Variants in RARB observed in about 807,000 individuals in gnomAD.
The protein encoded by RARB is HBV-activated protein.
RARB carries 17 observed loss-of-function variants against 51.9 expected under a neutral mutation model. The observed-to-expected ratio is 0.33, with a 90% CI of 0.22 to 0.49. RARB has a LOEUF of 0.49. Among genes scored for constraint, RARB ranks in the 20% least tolerant of loss-of-function variants. RARB has a pLI of 0.99. For synonymous variants in RARB, 215 were observed against 195.4 expected (o/e 1.10, Z -0.84); for missense variants, 369 against 550.8 (o/e 0.67, Z 3.30).
intron 5 of RARB, among the ~76,000 whole-genome samples, chr3:25,390,429 A>T (rs1461024727): frequency 6.6e-6 from 1 of 152,204 alleles, no homozygotes; most frequent in Non-Finnish European, 1.5e-5. Flanking sequence ...CTCCAGAATT[A>T]TGAGCAATAA....
chr3:25,393,072 G>T (rs143754848), intron 5 of RARB, among the ~76,000 whole-genome samples: 1 of 152,024 alleles, frequency 6.6e-6, no homozygotes, highest in Non-Finnish European at 1.5e-5. Flanking sequence ...CTTCTATGCC[G>T]ATTTTGCTGA....
At chr3:25,017,736 A>G (rs1021702) in intron 2 of RARB, among the ~76,000 whole-genome samples, 59,131 of 152,044 alleles carry the variant, frequency 0.39, 12,486 homozygotes, top group Admixed American at 0.53. Context: ...ATCAAGGCCA[A>G]TCACTTAGTT....
intron 5 of RARB, among the ~76,000 whole-genome samples, chr3:25,260,900 G>A (rs2125406655): frequency 6.6e-6 from 1 of 152,216 alleles, no homozygotes; most frequent in South Asian, 2.1e-4. Flanking sequence ...AAATAAAATA[G>A]GACATGAGAC....
chr3:25,418,511 T>C (rs932502150), intron 5 of RARB, among the ~76,000 whole-genome samples: 3 of 151,916 alleles, frequency 2.0e-5, no homozygotes, highest in Non-Finnish European at 4.4e-5. Flanking sequence ...ACCCAGCAGA[T>C]AAATATAGAG....
In RARB at chr3:25,569,814, G is replaced by A. The variant is rs1575528201; in HGVS notation, c.505G>A (p.Glu169Lys). The A allele has an allele frequency of 2.5e-6, 4 of 1,614,222 alleles. No individual in the cohort carries two copies. Among genetic ancestry groups the A allele is most frequent in the Non-Finnish European group, 3.4e-6 (4 of 1,180,016 alleles). ...KKETSKQECT[E>K]SYEMTAELDD... ...GGAGACTTCGAAGCAAGAATGCACA[G>A]AGAGCTATGAAATGACAGCTGAGTT... Residue 169 changes from glutamate to lysine, a missense_variant, in exon 4 of 8, where the codon GAG (glutamate) becomes AAG (lysine). Glu to Lys is a moderately conservative substitution (Grantham distance 56, BLOSUM62 1). This residue lies in a region of RARB where 46 missense variants were observed against 43.2 expected (regional missense o/e 1.07). Coordinates refer to ENST00000330688, the MANE Select transcript of RARB (RefSeq NM_000965.5).
intron 4 of RARB, among the ~76,000 whole-genome samples, chr3:25,578,870 G>A (rs908585833): frequency 6.6e-6 from 1 of 152,234 alleles, no homozygotes; most frequent in Admixed American, 6.5e-5. Context: ...GGGAACTAAA[G>A]ATATCAGTTT....
intron 2 of RARB, among the ~76,000 whole-genome samples, chr3:24,960,352 T>C (rs551005630): frequency 6.6e-6 from 1 of 152,354 alleles, no homozygotes; most frequent in South Asian, 2.1e-4. Flanking sequence ...TTTATAAATG[T>C]TGAGATGTGT....
chr3:24,876,915 C>G (rs1366956104), intron 2 of RARB, among the ~76,000 whole-genome samples: 1 of 152,094 alleles, frequency 6.6e-6, no homozygotes, highest in Non-Finnish European at 1.5e-5. Flanking sequence ...ACAGATTTAT[C>G]ATAAAATACT....
intron 3 of RARB, among the ~76,000 whole-genome samples, chr3:25,122,172 G>A (rs1416397328): frequency 6.6e-6 from 1 of 152,066 alleles, no homozygotes; most frequent in Non-Finnish European, 1.5e-5. Context: ...TTGTGAAGCT[G>A]TTTTTCAGCA....
intron 4 of RARB, among the ~76,000 whole-genome samples, chr3:25,136,758 G>C (rs142033945): frequency 0.013 from 1,964 of 152,108 alleles, 36 homozygotes; most frequent in African/African-American, 0.04. Context: ...AGGATGGGGG[G>C]AGAGTTTGGG....
intron 5 of RARB, among the ~76,000 whole-genome samples, chr3:25,181,940 G>A (rs1009377317): frequency 1.3e-5 from 2 of 152,008 alleles, no homozygotes; most frequent in East Asian, 1.9e-4. Context: ...CTGCATAGAG[G>A]GGCAAGCATC....
intron 2 of RARB, among the ~76,000 whole-genome samples, chr3:25,005,966 A>G (rs1358477675): frequency 6.6e-6 from 1 of 152,032 alleles, no homozygotes; most frequent in Non-Finnish European, 1.5e-5. Context: ...TACTCCAGTT[A>G]TACTGGTTTG....
At chr3:24,831,337 G>T (rs747799967) in intron 1 of RARB, among the ~76,000 whole-genome samples, 4 of 152,138 alleles carry the variant, frequency 2.6e-5, no homozygotes, top group Non-Finnish European at 4.4e-5. Flanking sequence ...AATTATTTTC[G>T]TATTTACGCC....
At chr3:24,977,994 T>C (rs1696556296) in intron 2 of RARB, among the ~76,000 whole-genome samples, 1 of 152,224 alleles carries the variant, frequency 6.6e-6, no homozygotes, top group Admixed American at 6.5e-5. Flanking sequence ...AGGCCTTTTC[T>C]GCATTGATTG....
chr3:25,099,885 T>C (rs1350054864), intron 3 of RARB, among the ~76,000 whole-genome samples: 2 of 152,206 alleles, frequency 1.3e-5, no homozygotes, highest in Non-Finnish European at 2.9e-5. Flanking sequence ...AGGAAAGCCA[T>C]GGGAAGACAT....
chr3:25,236,527 G>T (rs1702303593), intron 5 of RARB, among the ~76,000 whole-genome samples: 4 of 152,062 alleles, frequency 2.6e-5, no homozygotes, highest in Non-Finnish European at 5.9e-5. Flanking sequence ...ACAAAGAAAG[G>T]AAGGAATTGA....
At chr3:25,009,828 T>G (rs763377034) in intron 2 of RARB, among the ~76,000 whole-genome samples, 38 of 152,040 alleles carry the variant, frequency 2.5e-4, no homozygotes, top group Non-Finnish European at 5.1e-4. Context: ...GTGGAATGAC[T>G]GCAGTGTCAG....
intron 5 of RARB, among the ~76,000 whole-genome samples, chr3:25,300,476 T>C (rs972494872): frequency 2.0e-5 from 3 of 152,182 alleles, no homozygotes; most frequent in African/African-American, 7.2e-5. Flanking sequence ...TCCTTTTTGA[T>C]CCATTGAAGA....
chr3:25,526,640 G>A (rs939400356), intron 3 of RARB, among the ~76,000 whole-genome samples: 2 of 152,300 alleles, frequency 1.3e-5, no homozygotes, highest in African/African-American at 4.8e-5. Flanking sequence ...AAGGTACATG[G>A]AGAATGTTAG....
Sources: gnomAD v4.1 joint callset for allele counts (sites outside exome capture counted in the v4.1 genomes callset) on GRCh38, gnomAD v4.1.1 for gene constraint, gnomAD v4.1.1 regional missense constraint, MANE v1.5 for transcripts, NCBI Gene and HGNC (gene_info 2026-07-23, HGNC 2026-07-21) for gene names.